The following TASP1 variants were observed in gnomAD, a reference collection of about 807,000 sequenced individuals.
The protein encoded by TASP1 is taspase 1.
A neutral mutation model predicts 56.6 loss-of-function variants in TASP1; 16 were observed. That is an observed-to-expected ratio of 0.28 (90% CI 0.19 to 0.43). The LOEUF (loss-of-function observed/expected upper bound fraction) is 0.43, where lower values mean the gene tolerates loss of function less well. Among genes scored for constraint, TASP1 ranks in the 20% least tolerant of loss-of-function variants. The probability of loss-of-function intolerance (pLI) is 1.00; values close to 1 mark genes in which losing one functional copy is unlikely to be tolerated. For synonymous variants in TASP1, 179 were observed against 184.2 expected, an observed-to-expected ratio of 0.97 and a Z score of 0.23; for missense variants, 393 against 511.6, an observed-to-expected ratio of 0.77 and a Z score of 2.24.
At chr20:13,186,671 C>A in the TASP1 span, among the ~76,000 whole-genome samples, 1 of 152,190 alleles carries the variant, frequency 6.6e-6, no homozygotes, top group African/African-American at 2.4e-5. Context: ...AAAGAGGAAT[C>A]TGCAGGGAAG....
intron 9 of TASP1, among the ~76,000 whole-genome samples, chr20:13,530,399 G>A (rs2045176127): frequency 6.6e-6 from 1 of 152,220 alleles, no homozygotes; most frequent in Non-Finnish European, 1.5e-5. Flanking sequence ...AAGCCCTTCA[G>A]AAGTGATTTA....
At chr20:13,189,697 G>C in the TASP1 span, among the ~76,000 whole-genome samples, 5 of 152,148 alleles carry the variant, frequency 3.3e-5, no homozygotes, top group Non-Finnish European at 7.4e-5. Context: ...CTTATACACT[G>C]TCAATGGGAT....
intron 5 of TASP1, among the ~76,000 whole-genome samples, chr20:13,586,005 G>A (rs1245813424): frequency 2.0e-5 from 3 of 151,018 alleles, no homozygotes; most frequent in East Asian, 1.9e-4. Flanking sequence ...CACTGTGGTG[G>A]GTGCCTGTAA....
At chr20:13,574,478 T>G (rs1020596696) in intron 6 of TASP1, among the ~76,000 whole-genome samples, 1 of 152,166 alleles carries the variant, frequency 6.6e-6, no homozygotes, top group African/African-American at 2.4e-5. Context: ...GGTAACCTAT[T>G]ATGAGGTGAA....
the TASP1 span, among the ~76,000 whole-genome samples, chr20:13,320,676 G>A: frequency 3.9e-5 from 6 of 152,150 alleles, no homozygotes; most frequent in Admixed American, 3.9e-4. Flanking sequence ...GTAAGTACAA[G>A]TTCTGGGTTT....
chr20:13,250,399 T>A, the TASP1 span, among the ~76,000 whole-genome samples: 1 of 152,016 alleles, frequency 6.6e-6, no homozygotes, highest in Non-Finnish European at 1.5e-5. Flanking sequence ...GACGTGAGAA[T>A]GAAGTCCTTG....
intron 4 of TASP1, among the ~76,000 whole-genome samples, chr20:13,598,703 A>C (rs1454834973): frequency 6.6e-6 from 1 of 152,218 alleles, no homozygotes; most frequent in Non-Finnish European, 1.5e-5. Flanking sequence ...TAAACTAAAG[A>C]GCTTCTGCAC....
intron 10 of TASP1, among the ~76,000 whole-genome samples, chr20:13,505,489 T>G (rs1044450918): frequency 1.3e-5 from 2 of 152,180 alleles, no homozygotes. Flanking sequence ...TTTTCTCAAG[T>G]GCACACAGGA....
At chr20:13,111,377 C>A in the TASP1 span, among the ~76,000 whole-genome samples, 4 of 152,114 alleles carry the variant, frequency 2.6e-5, no homozygotes, top group Non-Finnish European at 4.4e-5. Flanking sequence ...GCACATTTGG[C>A]GATTTTCAGT....
chr20:13,352,310 C>T, the TASP1 span, among the ~76,000 whole-genome samples: 5 of 151,886 alleles, frequency 3.3e-5, no homozygotes, highest in East Asian at 3.9e-4. Flanking sequence ...AGTAGCCAGG[C>T]GTGGTGGAGC....
At chr20:13,552,592 G>A (rs2046015777) in intron 8 of TASP1, among the ~76,000 whole-genome samples, 1 of 152,142 alleles carries the variant, frequency 6.6e-6, no homozygotes, top group East Asian at 1.9e-4. Context: ...CCCAGAGGAA[G>A]TGACATTGGC....
the TASP1 span, among the ~76,000 whole-genome samples, chr20:13,218,004 C>T: frequency 6.6e-6 from 1 of 152,096 alleles, no homozygotes; most frequent in Non-Finnish European, 1.5e-5. Flanking sequence ...AATCCCAGCA[C>T]TTTGGGAGGC....
rs573797931 is a variant in TASP1, at chr20:13,422,113, G to A, written c.1097-4592C>T. Among the ~76,000 whole-genome samples, 347 of 151,750 alleles carry A rather than the reference G, an allele frequency of 2.3e-3. 2 individuals carry two copies. The highest frequency in any genetic ancestry group is 3.6e-3 in the Non-Finnish European group (242 of 67,938). The stretch of plus-strand genomic sequence containing the variant: ...ACTACAGGCGCCCACCACCACGCCC[G>A]GCTAATTTTTTGTGTTTTTAGTAGA... On this transcript the variant is annotated intron_variant, in intron 12 of 13. Transcript: ENST00000337743.
Position 13,390,123 on chromosome 20 carries a change from C to T in TASP1, c.*237G>A. Reference sequence around the variant, plus strand: ...CACGGAGAAGCAAACACACATACTCCACACATACACATATGTGCGCACATA... The same window carrying T: ...CACGGAGAAGCAAACACACATACTCTACACATACACATATGTGCGCACATA... On this transcript the variant is annotated 3_prime_UTR_variant, in exon 14 of 14. Transcript: ENST00000337743. 1 of 441,664 alleles carries T rather than the reference C, an allele frequency of 2.3e-6. No homozygotes were observed. 27.4% of individuals were successfully genotyped at this position (441,664 alleles called of 1,614,324 possible).
At chr20:13,114,032 A>C in the TASP1 span, among the ~76,000 whole-genome samples, 12 of 152,352 alleles carry the variant, frequency 7.9e-5, no homozygotes, top group South Asian at 1.2e-3. Context: ...AACCGAGATG[A>C]GGCAGAGCGG....
chr20:13,353,284 T>C, the TASP1 span, among the ~76,000 whole-genome samples: 1 of 152,020 alleles, frequency 6.6e-6, no homozygotes, highest in African/African-American at 2.4e-5. Flanking sequence ...CCTGTCTCTG[T>C]TGTAGTGTTC....
the TASP1 span, among the ~76,000 whole-genome samples, chr20:13,280,070 C>T: frequency 6.6e-6 from 1 of 152,162 alleles, no homozygotes. Flanking sequence ...CCAGCAGCCA[C>T]ATTTTTCTGG....
In TASP1 at chr20:13,621,831, G is replaced by T. The variant is rs550927570; in HGVS notation, c.282+1615C>A. Reference sequence around the variant, plus strand: ...TTTATTCAGTTTTGCATTCATAGTTGCCATTCTAGTATATTCTCCAGATAC... The same window carrying T: ...TTTATTCAGTTTTGCATTCATAGTTTCCATTCTAGTATATTCTCCAGATAC... On this transcript the variant is annotated intron_variant, in intron 4 of 13. Coordinates refer to ENST00000337743, the MANE Select transcript of TASP1 (RefSeq NM_017714.3). Among the ~76,000 whole-genome samples, 23 of 152,238 alleles carry T rather than the reference G, an allele frequency of 1.5e-4. No homozygotes were observed. In the South Asian group the frequency reaches 2.9e-3, roughly 19 times the overall value.
intron 2 of TASP1, among the ~76,000 whole-genome samples, chr20:13,627,517 C>T (rs569625661): frequency 2.0e-5 from 3 of 152,092 alleles, no homozygotes; most frequent in African/African-American, 7.2e-5. Context: ...TTTGGGAGGC[C>T]GAGGCGGGTG....
Sources: gnomAD v4.1 joint callset for allele counts (sites outside exome capture counted in the v4.1 genomes callset) on GRCh38, gnomAD v4.1.1 for gene constraint, MANE v1.5 for transcripts, NCBI Gene and HGNC (gene_info 2026-07-23, HGNC 2026-07-21) for gene names.